Variants in DENND1A observed in about 807,000 individuals in gnomAD.
DENND1A encodes the protein DENN domain-containing protein 1A.
A neutral mutation model predicts 113.7 loss-of-function variants in DENND1A; 51 were observed. That is an observed-to-expected ratio of 0.45 (90% CI 0.36 to 0.57). The LOEUF is 0.57. Among genes scored for constraint, DENND1A ranks in the 20% least tolerant of loss-of-function variants. The pLI is 0.00. For missense variants in DENND1A, 1,258 were observed against 1,395.9 expected, an observed-to-expected ratio of 0.90 and a Z score of 1.57; for synonymous variants, 565 against 570.8, an observed-to-expected ratio of 0.99 and a Z score of 0.14.
At chr9:123,460,760 CT>C (rs1165861860) in intron 13 of DENND1A, among the ~76,000 whole-genome samples, 8 of 152,228 alleles carry the variant, frequency 5.3e-5, no homozygotes, top group African/African-American at 1.9e-4. Flanking sequence ...CCCTCTTCTA[CT>C]CCAGCTCTTC....
chr9:123,903,358 A>AAAAAC (rs1852076166), intron 1 of DENND1A, among the ~76,000 whole-genome samples: 2 of 147,052 alleles, frequency 1.4e-5, no homozygotes, highest in African/African-American at 5.1e-5. Context: ...AAAAAAAAAA[A>AAAAAC]CTGGAAAAAA....
chr9:123,859,627 C>T (rs1472268700), intron 2 of DENND1A, among the ~76,000 whole-genome samples: 1 of 151,888 alleles, frequency 6.6e-6, no homozygotes, highest in Non-Finnish European at 1.5e-5. Flanking sequence ...CATTCTGCAT[C>T]GTTGCTGTGA....
At chr9:123,497,322 TA>T (rs1368871095) in intron 13 of DENND1A, among the ~76,000 whole-genome samples, 1 of 152,182 alleles carries the variant, frequency 6.6e-6, no homozygotes, top group African/African-American at 2.4e-5. Context: ...TTTATTTACT[TA>T]TTTTTTAAGA....
chr9:123,567,148 C>T (rs1276806177), intron 12 of DENND1A, among the ~76,000 whole-genome samples: 1 of 152,078 alleles, frequency 6.6e-6, no homozygotes, highest in East Asian at 1.9e-4. Context: ...AAGGGTTTTC[C>T]CCCCATACTT....
intron 12 of DENND1A, among the ~76,000 whole-genome samples, chr9:123,567,519 C>A (rs575984717): frequency 2.6e-5 from 4 of 152,062 alleles, no homozygotes; most frequent in African/African-American, 7.2e-5. Flanking sequence ...TCTAATGAAC[C>A]AGAACATTAA....
intron 2 of DENND1A, among the ~76,000 whole-genome samples, chr9:123,872,561 T>C (rs2133444854): frequency 6.6e-6 from 1 of 152,314 alleles, no homozygotes. Context: ...GTAAATATAC[T>C]GAAACATTAA....
chr9:123,744,699 T>C (rs776063255), intron 5 of DENND1A, among the ~76,000 whole-genome samples: 4 of 151,994 alleles, frequency 2.6e-5, no homozygotes, highest in Admixed American at 6.6e-5. Flanking sequence ...TACCTTTCAA[T>C]ATCTACTATA....
At chr9:123,776,046 C>T (rs1485127688) in intron 3 of DENND1A, among the ~76,000 whole-genome samples, 3 of 152,144 alleles carry the variant, frequency 2.0e-5, no homozygotes. Context: ...CTTCAAATAT[C>T]TCTGAACTAA....
At chr9:123,919,474 A>G (rs1855822219) in intron 1 of DENND1A, among the ~76,000 whole-genome samples, 1 of 151,984 alleles carries the variant, frequency 6.6e-6, no homozygotes, top group Non-Finnish European at 1.5e-5. Flanking sequence ...TTCAACTAAA[A>G]AAAAAAAATT....
rs2069142924 is a variant in DENND1A at position 123,742,891 on chromosome 9, A to G, written c.302+14812T>C. Among the ~76,000 whole-genome samples, 4 of 152,242 alleles carry G rather than the reference A, an allele frequency of 2.6e-5. No homozygotes were observed. In the South Asian group the frequency reaches 8.3e-4, roughly 31 times the overall value. ...AAATTAATACTAACATTTCTCAATT[A>G]AGAGGAACTCCTTTAACATCTCTGA... On this transcript the variant is annotated intron_variant, in intron 5 of 23. Coordinates refer to ENST00000394215, the MANE Select transcript of DENND1A (RefSeq NM_001352964.2).
At chr9:123,901,989 G>C (rs1851711864) in intron 1 of DENND1A, among the ~76,000 whole-genome samples, 1 of 152,090 alleles carries the variant, frequency 6.6e-6, no homozygotes. Flanking sequence ...CTGGGAGACA[G>C]AGCAAGACTC....
intron 5 of DENND1A, among the ~76,000 whole-genome samples, chr9:123,742,220 T>C (rs2069090819): frequency 6.6e-6 from 1 of 151,170 alleles, no homozygotes. Context: ...GGGCGTCCTC[T>C]GTTTCCAAAG....
intron 2 of DENND1A, among the ~76,000 whole-genome samples, chr9:123,865,563 C>T (rs1316656): frequency 6.6e-6 from 1 of 152,234 alleles, no homozygotes; most frequent in South Asian, 2.1e-4. Context: ...GGGCAGACTC[C>T]TGATGATCCT....
At chr9:123,897,522 T>C (rs987494406) in intron 1 of DENND1A, among the ~76,000 whole-genome samples, 8 of 152,202 alleles carry the variant, frequency 5.3e-5, no homozygotes, top group African/African-American at 1.9e-4. Flanking sequence ...AAGCCCAGAC[T>C]ACATACACAA....
At chr9:123,655,838 G>A (rs1404311789) in intron 8 of DENND1A, among the ~76,000 whole-genome samples, 1 of 152,212 alleles carries the variant, frequency 6.6e-6, no homozygotes, top group Admixed American at 6.5e-5. Flanking sequence ...TTCTCCTGCA[G>A]ACTAAATCCT....
intron 5 of DENND1A, among the ~76,000 whole-genome samples, chr9:123,733,498 G>C (rs1288623751): frequency 6.6e-6 from 1 of 151,994 alleles, no homozygotes; most frequent in South Asian, 2.1e-4. Flanking sequence ...TGTTGGCCAG[G>C]CTGGTCTCAA....
chr9:123,579,503 G>T (rs1023671473), intron 12 of DENND1A, among the ~76,000 whole-genome samples: 1 of 152,270 alleles, frequency 6.6e-6, no homozygotes, highest in East Asian at 1.9e-4. Context: ...GCATGAGGCG[G>T]AAAGATTGGA....
chr9:123,463,674 C>T (rs576429489), intron 13 of DENND1A, among the ~76,000 whole-genome samples: 1 of 152,198 alleles, frequency 6.6e-6, no homozygotes, highest in East Asian at 1.9e-4. Flanking sequence ...CTTTGGGAGG[C>T]TGAGGTGGGC....
At chr9:123,575,396 A>T (rs953725882) in intron 12 of DENND1A, among the ~76,000 whole-genome samples, 2 of 152,166 alleles carry the variant, frequency 1.3e-5, no homozygotes, top group Non-Finnish European at 2.9e-5. Context: ...CAGGCCATGA[A>T]CTGGCACCAA....
Sources: gnomAD v4.1 joint callset for allele counts (sites outside exome capture counted in the v4.1 genomes callset) on GRCh38, gnomAD v4.1.1 for gene constraint, MANE v1.5 for transcripts, NCBI Gene and HGNC (gene_info 2026-07-23, HGNC 2026-07-21) for gene names.